TMEM209: variants seen among roughly 807,000 people sequenced by gnomAD.
TMEM209 encodes the protein transmembrane protein 209.
TMEM209 carries 65 observed loss-of-function variants against 76.2 expected under a neutral mutation model. That is an observed-to-expected ratio of 0.85 (90% CI 0.70 to 1.05). The LOEUF is 1.05. Ranked by LOEUF, TMEM209 falls within the 50% of genes least tolerant of loss-of-function variation. TMEM209 has a pLI of 0.00. For synonymous variants in TMEM209, 239 were observed against 237.6 expected, an observed-to-expected ratio of 1.01 and a Z score of -0.06; for missense variants, 623 against 685.5, an observed-to-expected ratio of 0.91 and a Z score of 1.02.
chr7:130,189,792 T>G (rs1320678230), intron 6 of TMEM209, among the ~76,000 whole-genome samples: 1 of 152,228 alleles, frequency 6.6e-6, no homozygotes, highest in African/African-American at 2.4e-5. Context: ...CATATATCTG[T>G]GTATATGTCC....
intron 5 of TMEM209, among the ~76,000 whole-genome samples, chr7:130,196,863 T>C (rs181009354): frequency 6.6e-6 from 1 of 152,316 alleles, no homozygotes. Flanking sequence ...TTTAAAATAC[T>C]ATGCTTCGTT....
intron 10 of TMEM209, 33 bp downstream of exon 10, chr7:130,178,369 C>T (rs1797307185): frequency 1.3e-6 from 2 of 1,545,702 alleles, no homozygotes; most frequent in African/African-American, 1.4e-5. Flanking sequence ...AGTAAAAAAG[C>T]TCTTATTTTT....
intron 5 of TMEM209, 68 bp downstream of exon 5, chr7:130,201,782 T>G (rs1179175261): frequency 1.9e-6 from 3 of 1,581,478 alleles, no homozygotes; most frequent in Non-Finnish European, 2.6e-6. Flanking sequence ...TTTTGACTCA[T>G]TAGATGATTT....
chr7:130,185,275 G>A lies in TMEM209; in HGVS notation c.868C>T (p.Gln290Ter). Residue 290 changes from glutamine (Q) to a stop codon, truncating the protein, a stop_gained, in exon 7 of 15, where the codon CAG (glutamine) becomes TAG (stop). Coordinates refer to ENST00000397622, the MANE Select transcript of TMEM209 (RefSeq NM_032842.4). LOFTEE classifies it high-confidence loss of function. ...GDYAQTLKKF[Q>*]YQLACRSQAP... The stretch of plus-strand genomic sequence containing the variant: ...TGAGACCTACAGGCAAGCTGATACT[G>A]AAACTTCTTTAAAGTTTGTGCATAA... 2 of 1,613,982 alleles carry A rather than the reference G, an allele frequency of 1.2e-6. No individual in the cohort carries two copies. Among genetic ancestry groups the A allele is most frequent in the Non-Finnish European group, 1.7e-6 (2 of 1,179,874 alleles).
At chr7:130,205,177 G>T (rs1161970933) in intron 1 of TMEM209, 196 bp downstream of exon 1, 2 of 1,498,476 alleles carry the variant, frequency 1.3e-6, no homozygotes, top group Non-Finnish European at 1.8e-6. Flanking sequence ...CAATTTCCCA[G>T]TCCAGAGCTT....
chr7:130,181,801 C>CGA lies in TMEM209; in HGVS notation c.1024-83_1024-82insTC, dbSNP rs1466927567. 1.1e-5 allele frequency: 13 copies of CGA among 1,154,962 alleles called. No homozygotes were observed. The African/African-American group carries it at 2.0e-4, about 18-fold the overall frequency. 71.5% of individuals were successfully genotyped at this position (1,154,962 alleles called of 1,614,324 possible). ...ATTACTTTCTTTTTTACAAGCAACTCTAAGAATTTTTTTTACTATCTTATA... is the reference window on the plus strand; with the variant it reads ...ATTACTTTCTTTTTTACAAGCAACTCGATAAGAATTTTTTTTACTATCTTATA... On this transcript the variant is annotated intron_variant, in intron 8 of 14. Transcript: ENST00000397622.
chr7:130,190,574 T>TAA lies in TMEM209; in HGVS notation c.775+2046_775+2047dup, dbSNP rs5887464. ...AAATTTTATGTATACTGTATTACAG[T>TAA]AAAAAAAAAAAAGGAAAAATGTTAA... On this transcript the variant is annotated intron_variant, in intron 6 of 14. Coordinates refer to ENST00000397622, the MANE Select transcript of TMEM209 (RefSeq NM_032842.4). Among the ~76,000 whole-genome samples the TAA allele has an allele frequency of 9.3e-3, 1,230 of 131,838 alleles. 8 individuals are homozygous for TAA. The highest frequency in any genetic ancestry group is 0.019 in the South Asian group (78 of 4,206). 86.5% of individuals were successfully genotyped at this position (131,838 alleles called of 152,430 possible). A position where few individuals can be genotyped will look rare whatever the true frequency, so the allele number is the denominator to read the frequency against.
intron 3 of TMEM209, among the ~76,000 whole-genome samples, chr7:130,203,348 T>C (rs1465603317): frequency 6.6e-6 from 1 of 152,170 alleles, no homozygotes; most frequent in Non-Finnish European, 1.5e-5. Context: ...GTATAGACTA[T>C]GAAATTTACT....
intron 5 of TMEM209, among the ~76,000 whole-genome samples, 197 bp from the exon 6 acceptor site, chr7:130,193,020 A>G (rs542215846): frequency 2.0e-4 from 31 of 152,288 alleles, no homozygotes; most frequent in African/African-American, 7.0e-4. Flanking sequence ...AGCCACTTTG[A>G]AACAGTCTGG....
At chr7:130,204,133 G>A (rs1473892799) in intron 1 of TMEM209, 23 bp from the exon 2 acceptor site, 5 of 1,589,430 alleles carry the variant, frequency 3.1e-6, no homozygotes, top group Non-Finnish European at 4.3e-6. Flanking sequence ...AAAAAGCACA[G>A]GAATTAACCA....
chr7:130,183,905 T>C (rs1173211919), intron 8 of TMEM209, among the ~76,000 whole-genome samples: 1 of 152,088 alleles, frequency 6.6e-6, no homozygotes, highest in East Asian at 1.9e-4. Context: ...CTTTGGAAAA[T>C]AAAACTGAGA....
At chr7:130,178,920 A>G (rs992580578) in intron 9 of TMEM209, among the ~76,000 whole-genome samples, 2 of 152,072 alleles carry the variant, frequency 1.3e-5, no homozygotes, top group African/African-American at 4.8e-5. Flanking sequence ...CTGGGACTAC[A>G]GGCACATGCC....
At chr7:130,184,153 A>C in intron 8 of TMEM209, 31 bp downstream of exon 8, 1 of 1,485,432 alleles carries the variant, frequency 6.7e-7, no homozygotes, top group Non-Finnish European at 9.2e-7. Flanking sequence ...AGAGGCACTA[A>C]TATTGTCCAA....
rs1206833648 is a variant in TMEM209, at chr7:130,201,846, T to TTA, written c.573+2_573+3dup. 3.1e-6 allele frequency: 5 copies of TTA among 1,613,784 alleles called. No homozygotes were observed. The African/African-American group carries it at 6.7e-5, about 22-fold the overall frequency. Reference sequence around the variant, plus strand: ...GTGACTAGACAAGAGAAGAGAGTCATTACCTTATTATAACCACTGACGGGC... The same window carrying TTA: ...GTGACTAGACAAGAGAAGAGAGTCATTATACCTTATTATAACCACTGACGGGC... On this transcript the variant is annotated splice_donor_region_variant and intron_variant, in intron 5 of 14. Coordinates refer to ENST00000397622, the MANE Select transcript of TMEM209 (RefSeq NM_032842.4).
intron 14 of TMEM209, among the ~76,000 whole-genome samples, chr7:130,167,488 TA>T (rs912507212): frequency 1.6e-4 from 24 of 152,288 alleles, no homozygotes; most frequent in Non-Finnish European, 2.4e-4. Context: ...AAATCTTTCA[TA>T]CCTTTGTCCA....
At chr7:130,181,109 T>C (rs1797397729) in intron 9 of TMEM209, among the ~76,000 whole-genome samples, 1 of 152,250 alleles carries the variant, frequency 6.6e-6, no homozygotes, top group African/African-American at 2.4e-5. Flanking sequence ...TAGATCTATT[T>C]TGAATATTAT....
At position 130,170,461 on chromosome 7, in the gene TMEM209, T is replaced by C. The variant is rs1462250082; in HGVS notation, c.1570A>G (p.Met524Val). The part of the protein sequence containing the change: ...VYNLPKGRNN[M>V]FHTLLMFLYI... Reference sequence around the variant, plus strand: ...AGAAACATCAACAATGTATGAAACATATTATTTCTGCCCTGGAACAAAGAC... The same window carrying C: ...AGAAACATCAACAATGTATGAAACACATTATTTCTGCCCTGGAACAAAGAC... Residue 524 changes from methionine (M) to valine (V), a missense_variant, in exon 14 of 15, where the codon ATG becomes GTG. Physicochemically the swap from Met to Val is conservative, Grantham distance 21. Coordinates refer to ENST00000397622, the MANE Select transcript of TMEM209 (RefSeq NM_032842.4). The C allele has an allele frequency of 6.2e-7, 1 of 1,612,186 alleles. No individual in the cohort carries two copies. The highest frequency in any genetic ancestry group is 8.5e-7 in the Non-Finnish European group (1 of 1,179,426).
Position 130,175,505 on chromosome 7 carries a change from G to A in TMEM209, c.1344+7C>T. On this transcript the variant is annotated splice_region_variant and intron_variant, in intron 11 of 14. Transcript: ENST00000397622. ...AAATAAATGAATGAAAGAATCTAGG[G>A]GCTTACAGCAGAATCGGTGGGCAGG... 1 of 1,609,198 alleles carries A rather than the reference G, an allele frequency of 6.2e-7. No individual in the cohort carries two copies. The highest frequency in any genetic ancestry group is 8.5e-7 in the Non-Finnish European group (1 of 1,177,564).
intron 10 of TMEM209, among the ~76,000 whole-genome samples, chr7:130,177,968 T>C (rs1399737439): frequency 6.6e-6 from 1 of 152,198 alleles, no homozygotes. Flanking sequence ...AATTGCTCTG[T>C]AAGTAGAGAG....
Sources: allele counts gnomAD v4.1 joint callset (sites outside exome capture counted in the v4.1 genomes callset), GRCh38; gene constraint gnomAD v4.1.1; transcripts MANE v1.5; gene names NCBI Gene and HGNC (gene_info 2026-07-23, HGNC 2026-07-21).